CENPW: variants seen among roughly 807,000 people sequenced by gnomAD.
CENPW encodes the protein centromere protein W.
Under a neutral mutation model 11.1 loss-of-function variants are expected in CENPW, and 3 were observed. The ratio of observed to expected loss-of-function variants is 0.27; its 90% CI spans 0.12 to 0.70. The LOEUF (loss-of-function observed/expected upper bound fraction) is 0.70. Ranked by LOEUF, CENPW falls within the 30% of genes least tolerant of loss-of-function variation. CENPW has a pLI of 0.77. For missense variants in CENPW, 100 were observed against 105.6 expected, an observed-to-expected ratio of 0.95 and a Z score of 0.23; for synonymous variants, 38 against 42.0, an observed-to-expected ratio of 0.91 and a Z score of 0.37.
the CENPW span, among the ~76,000 whole-genome samples, chr6:126,372,539 G>A: frequency 6.6e-6 from 1 of 152,080 alleles, no homozygotes; most frequent in African/African-American, 2.4e-5. Flanking sequence ...AATGTAGCCA[G>A]ATACATTATC....
chr6:126,395,627 GT>G, the CENPW span, among the ~76,000 whole-genome samples: 3 of 152,132 alleles, frequency 2.0e-5, no homozygotes, highest in African/African-American at 7.2e-5. Flanking sequence ...ACACTGAAGA[GT>G]TAGGTGTTTA....
the CENPW span, among the ~76,000 whole-genome samples, chr6:126,364,301 A>C: frequency 6.6e-6 from 1 of 152,188 alleles, no homozygotes. Flanking sequence ...GTTCAAAGGA[A>C]CAGAAACCTG....
the CENPW span, among the ~76,000 whole-genome samples, chr6:126,440,116 T>C: frequency 6.6e-6 from 1 of 151,706 alleles, no homozygotes; most frequent in Admixed American, 6.6e-5. Context: ...GGTCTACTTA[T>C]ATTTAAATGA....
At chr6:126,405,291 C>G in the CENPW span, among the ~76,000 whole-genome samples, 1 of 151,868 alleles carries the variant, frequency 6.6e-6, no homozygotes, top group Admixed American at 6.6e-5. Flanking sequence ...TTCTTGGCAC[C>G]TTTCTCAAAA....
the CENPW span, among the ~76,000 whole-genome samples, chr6:126,467,801 A>G: frequency 6.6e-6 from 1 of 152,180 alleles, no homozygotes; most frequent in African/African-American, 2.4e-5. Context: ...GCAAAAATGT[A>G]GTTTTATAGT....
At chr6:126,482,345 T>C in the CENPW span, among the ~76,000 whole-genome samples, 14 of 152,000 alleles carry the variant, frequency 9.2e-5, no homozygotes, top group Non-Finnish European at 1.9e-4. Flanking sequence ...CATATATTAA[T>C]ATTATTATTT....
the CENPW span, among the ~76,000 whole-genome samples, chr6:126,376,721 C>T: frequency 1.3e-5 from 2 of 152,096 alleles, no homozygotes; most frequent in Non-Finnish European, 2.9e-5. Context: ...TTAAATATTC[C>T]CTAAGGCAAA....
the CENPW span, among the ~76,000 whole-genome samples, chr6:126,398,141 G>A: frequency 6.6e-6 from 1 of 152,146 alleles, no homozygotes; most frequent in Non-Finnish European, 1.5e-5. Flanking sequence ...TAAAAATGTT[G>A]AGGTTTGGAT....
the CENPW span, among the ~76,000 whole-genome samples, chr6:126,368,650 G>GTT: frequency 6.4e-4 from 92 of 144,418 alleles, no homozygotes; most frequent in Non-Finnish European, 1.0e-3. Context: ...CCAATGTGTA[G>GTT]TTTTTTTTTT....
At chr6:126,482,414 T>C in the CENPW span, among the ~76,000 whole-genome samples, 1 of 151,988 alleles carries the variant, frequency 6.6e-6, no homozygotes, top group Non-Finnish European at 1.5e-5. Context: ...GTGCTATTTA[T>C]ATACTGTTTA....
chr6:126,405,239 C>A, the CENPW span, among the ~76,000 whole-genome samples: 8 of 152,030 alleles, frequency 5.3e-5, no homozygotes, highest in South Asian at 2.1e-4. Context: ...TTCCCAGCAT[C>A]ATTTTTTAAA....
the CENPW span, among the ~76,000 whole-genome samples, chr6:126,403,617 A>G: frequency 6.6e-6 from 1 of 152,074 alleles, no homozygotes; most frequent in Admixed American, 6.6e-5. Context: ...TTGATTCATG[A>G]GGTTTAAGGA....
At chr6:126,362,758 G>A in the CENPW span, among the ~76,000 whole-genome samples, 1 of 151,940 alleles carries the variant, frequency 6.6e-6, no homozygotes, top group African/African-American at 2.4e-5. Flanking sequence ...TCTATGTCCT[G>A]TCTTCTGATT....
chr6:126,419,327 A>G, the CENPW span, among the ~76,000 whole-genome samples: 337 of 152,288 alleles, frequency 2.2e-3, no homozygotes, highest in Non-Finnish European at 4.2e-3. Flanking sequence ...AAAAGCATAA[A>G]GGTTTGATGT....
At chr6:126,403,775 T>C in the CENPW span, among the ~76,000 whole-genome samples, 5 of 152,148 alleles carry the variant, frequency 3.3e-5, no homozygotes, top group East Asian at 9.6e-4. Flanking sequence ...CTAAAGCAAA[T>C]TATCCTGAAA....
chr6:126,379,399 A>G, the CENPW span, among the ~76,000 whole-genome samples: 1 of 152,202 alleles, frequency 6.6e-6, no homozygotes, highest in Non-Finnish European at 1.5e-5. Flanking sequence ...GAAGAACACT[A>G]GAGGAAATCT....
At chr6:126,433,953 G>A in the CENPW span, among the ~76,000 whole-genome samples, 1 of 152,032 alleles carries the variant, frequency 6.6e-6, no homozygotes, top group African/African-American at 2.4e-5. Flanking sequence ...TTATATGAAA[G>A]TCAGAGTATA....
chr6:126,465,644 G>A, the CENPW span, among the ~76,000 whole-genome samples: 2 of 151,968 alleles, frequency 1.3e-5, no homozygotes, highest in African/African-American at 2.4e-5. Flanking sequence ...AATCAAAACA[G>A]TATGTTTTTG....
chr6:126,344,752 G>A (rs145168560), intron 1 of CENPW, among the ~76,000 whole-genome samples: 1 of 152,034 alleles, frequency 6.6e-6, no homozygotes, highest in African/African-American at 2.4e-5. Flanking sequence ...CATATCACTA[G>A]AACATTATTA....
Sources: gnomAD v4.1 joint callset for allele counts (sites outside exome capture counted in the v4.1 genomes callset) on GRCh38, gnomAD v4.1.1 for gene constraint, MANE v1.5 for transcripts, NCBI Gene and HGNC (gene_info 2026-07-23, HGNC 2026-07-21) for gene names.